The following UBE2E2 variants were observed in gnomAD, a reference collection of about 807,000 sequenced individuals.
UBE2E2 encodes the protein ubiquitin-conjugating enzyme E2 E2.
UBE2E2 carries 6 observed loss-of-function variants against 24.7 expected under a neutral mutation model. The ratio of observed to expected loss-of-function variants is 0.24; its 90% CI spans 0.13 to 0.48. The LOEUF (loss-of-function observed/expected upper bound fraction) is 0.48, where lower values mean the gene tolerates loss of function less well. Ranked by LOEUF, UBE2E2 falls within the 20% of genes least tolerant of loss-of-function variation. UBE2E2 has a pLI of 0.99. For synonymous variants in UBE2E2, 104 were observed against 83.6 expected (o/e 1.24, Z -1.33); for missense variants, 169 against 245.0 (o/e 0.69, Z 2.07).
intron 5 of UBE2E2, among the ~76,000 whole-genome samples, chr3:23,570,941 G>A (rs888692867): frequency 6.6e-6 from 1 of 152,112 alleles, no homozygotes; most frequent in Admixed American, 6.6e-5. Context: ...AGTCTAGACA[G>A]TCAACAATAA....
intron 3 of UBE2E2, among the ~76,000 whole-genome samples, chr3:23,397,083 A>C (rs57625069): frequency 0.18 from 26,759 of 152,118 alleles, 2,825 homozygotes; most frequent in African/African-American, 0.3. Context: ...TTATAATTGA[A>C]ACATCAGTCC....
intron 3 of UBE2E2, among the ~76,000 whole-genome samples, chr3:23,380,924 A>G (rs952106680): frequency 6.6e-6 from 1 of 152,140 alleles, no homozygotes; most frequent in African/African-American, 2.4e-5. Context: ...TTGAAACATA[A>G]CTAGTTTATA....
intron 5 of UBE2E2, among the ~76,000 whole-genome samples, chr3:23,584,801 G>A (rs1389614093): frequency 3.5e-5 from 5 of 144,346 alleles, no homozygotes; most frequent in African/African-American, 1.3e-4. Flanking sequence ...CAAACTCCTC[G>A]GCTCAGGCCA....
At chr3:23,293,025 A>G (rs113814707) in intron 3 of UBE2E2, among the ~76,000 whole-genome samples, 1 of 152,282 alleles carries the variant, frequency 6.6e-6, no homozygotes, top group African/African-American at 2.4e-5. Context: ...GTGAGCCAAG[A>G]TTGCACCATT....
At chr3:23,260,735 G>C (rs925849531) in intron 3 of UBE2E2, among the ~76,000 whole-genome samples, 1 of 152,106 alleles carries the variant, frequency 6.6e-6, no homozygotes, top group Non-Finnish European at 1.5e-5. Flanking sequence ...CGAGGCTGTG[G>C]TAAGCTGTGT....
intron 3 of UBE2E2, among the ~76,000 whole-genome samples, chr3:23,310,623 C>T (rs1267323699): frequency 6.6e-6 from 1 of 152,218 alleles, no homozygotes; most frequent in South Asian, 2.1e-4. Flanking sequence ...ATGGCTTCTA[C>T]CTGTAATCTC....
At chr3:23,281,910 C>T (rs964075332) in intron 3 of UBE2E2, among the ~76,000 whole-genome samples, 5 of 152,144 alleles carry the variant, frequency 3.3e-5, no homozygotes, top group Non-Finnish European at 1.5e-5. Context: ...ACATCAACTG[C>T]CATTTATTAA....
intron 3 of UBE2E2, 142 bp from the exon 4 acceptor site, chr3:23,499,466 A>G: frequency 1.0e-6 from 1 of 998,804 alleles, no homozygotes; most frequent in East Asian, 2.6e-5. Context: ...AATATTGGCA[A>G]TATGAATCTT....
At chr3:23,471,563 G>A (rs1484290880) in intron 3 of UBE2E2, among the ~76,000 whole-genome samples, 1 of 152,198 alleles carries the variant, frequency 6.6e-6, no homozygotes, top group Non-Finnish European at 1.5e-5. Context: ...CACTGAGATT[G>A]CTTGGGCGTT....
intron 3 of UBE2E2, among the ~76,000 whole-genome samples, chr3:23,341,396 A>G (rs905132338): frequency 5.9e-5 from 9 of 152,204 alleles, no homozygotes; most frequent in Admixed American, 4.6e-4. Context: ...ACCCAAAGCC[A>G]CACTATTGAG....
chr3:23,285,560 A>G (rs1373829336), intron 3 of UBE2E2, among the ~76,000 whole-genome samples: 1 of 152,184 alleles, frequency 6.6e-6, no homozygotes, highest in East Asian at 1.9e-4. Context: ...TTTGGATAAA[A>G]GTCATTTTAA....
At chr3:23,465,279 T>C (rs1295790166) in intron 3 of UBE2E2, among the ~76,000 whole-genome samples, 1 of 152,166 alleles carries the variant, frequency 6.6e-6, no homozygotes, top group Non-Finnish European at 1.5e-5. Context: ...AAGACTGAAC[T>C]CAGAGCTGTG....
intron 5 of UBE2E2, among the ~76,000 whole-genome samples, chr3:23,573,308 G>T (rs1696268034): frequency 6.6e-6 from 1 of 152,106 alleles, no homozygotes; most frequent in Non-Finnish European, 1.5e-5. Context: ...AATATAGAGA[G>T]CCTTTATAAA....
intron 1 of UBE2E2, chr3:23,204,700 CA>C: frequency 1.0e-6 from 1 of 985,406 alleles, no homozygotes; most frequent in Non-Finnish European, 1.2e-6. Context: ...CTTTTACCCC[CA>C]AATCAGGTGT....
chr3:23,363,943 A>C (rs1696194009), intron 3 of UBE2E2, among the ~76,000 whole-genome samples: 1 of 151,908 alleles, frequency 6.6e-6, no homozygotes. Flanking sequence ...TACCAAACAC[A>C]CTCTCAGACC....
intron 5 of UBE2E2, among the ~76,000 whole-genome samples, chr3:23,585,055 T>C (rs748351549): frequency 9.9e-5 from 15 of 152,168 alleles, no homozygotes; most frequent in Non-Finnish European, 1.9e-4. Context: ...AGGTTATTAT[T>C]TTATGACTGG....
At chr3:23,486,735 A>G (rs1325321229) in intron 3 of UBE2E2, among the ~76,000 whole-genome samples, 1 of 152,194 alleles carries the variant, frequency 6.6e-6, no homozygotes, top group Admixed American at 6.5e-5. Context: ...GGTTGTACCA[A>G]TGAGTATCTG....
intron 3 of UBE2E2, among the ~76,000 whole-genome samples, chr3:23,312,217 C>T (rs969191495): frequency 2.0e-5 from 3 of 152,174 alleles, no homozygotes; most frequent in African/African-American, 7.2e-5. Context: ...GCCTGCAGAA[C>T]CATGAGCTGA....
At chr3:23,473,811 A>G (rs1699074332) in intron 3 of UBE2E2, among the ~76,000 whole-genome samples, 1 of 152,082 alleles carries the variant, frequency 6.6e-6, no homozygotes, top group Admixed American at 6.5e-5. Flanking sequence ...TTGATTGTGG[A>G]CATTTGGGTT....
Sources: allele counts gnomAD v4.1 joint callset (sites outside exome capture counted in the v4.1 genomes callset), GRCh38; gene constraint gnomAD v4.1.1; transcripts MANE v1.5; gene names NCBI Gene and HGNC (gene_info 2026-07-23, HGNC 2026-07-21).